Variants in CTNNA3 observed in about 807,000 individuals in gnomAD.
CTNNA3 encodes the protein catenin alpha 3.
In CTNNA3, 76 loss-of-function variants were observed where a neutral mutation model predicts 95.7. The observed-to-expected ratio is 0.79, with a 90% CI of 0.66 to 0.96. The LOEUF is 0.96. Ranked by LOEUF, CTNNA3 falls within the 40% of genes least tolerant of loss-of-function variation. CTNNA3 has a pLI of 0.00. For synonymous variants in CTNNA3, 431 were observed against 374.4 expected (o/e 1.15, Z -1.74); for missense variants, 1,191 against 1,089.8 (o/e 1.09, Z -1.31).
intron 1 of CTNNA3, among the ~76,000 whole-genome samples, chr10:67,653,915 G>A (rs866108521): frequency 3.3e-5 from 5 of 152,132 alleles, no homozygotes; most frequent in African/African-American, 1.2e-4. Context: ...CACTTCCAGT[G>A]CCTATGTTGG....
intron 13 of CTNNA3, among the ~76,000 whole-genome samples, chr10:66,278,343 G>A (rs142458749): frequency 7.2e-4 from 110 of 151,778 alleles, no homozygotes; most frequent in African/African-American, 2.6e-3. Context: ...TAATTTGAAT[G>A]TATTCTTGAT....
At chr10:66,812,324 T>C (rs1267170853) in intron 7 of CTNNA3, among the ~76,000 whole-genome samples, 1 of 152,180 alleles carries the variant, frequency 6.6e-6, no homozygotes, top group Non-Finnish European at 1.5e-5. Context: ...GATGTCTTAC[T>C]TTTGATTGCT....
At chr10:67,669,954 G>A (rs1840399617) in intron 1 of CTNNA3, among the ~76,000 whole-genome samples, 3 of 152,186 alleles carry the variant, frequency 2.0e-5, no homozygotes. Context: ...TATGTTTAGA[G>A]CTTCTTCCAA....
At chr10:66,503,561 C>A (rs372074654) in intron 11 of CTNNA3, among the ~76,000 whole-genome samples, 2 of 151,934 alleles carry the variant, frequency 1.3e-5, no homozygotes, top group Non-Finnish European at 2.9e-5. Flanking sequence ...CTCTGCCTCC[C>A]GGGTTCAAGC....
At chr10:66,765,578 C>A (rs4359088) in intron 9 of CTNNA3, among the ~76,000 whole-genome samples, 129,293 of 152,102 alleles carry the variant, frequency 0.85, 55,247 homozygotes, top group East Asian at 1. Flanking sequence ...TTGTATTAGA[C>A]ATTCCTCCAT....
chr10:66,361,648 C>T (rs1190705478), intron 12 of CTNNA3, among the ~76,000 whole-genome samples: 1 of 151,682 alleles, frequency 6.6e-6, no homozygotes, highest in Non-Finnish European at 1.5e-5. Flanking sequence ...AGGGATCTTC[C>T]TACCTAAACC....
intron 5 of CTNNA3, among the ~76,000 whole-genome samples, chr10:67,415,096 C>G (rs1370075134): frequency 6.6e-6 from 1 of 152,148 alleles, no homozygotes; most frequent in African/African-American, 2.4e-5. Flanking sequence ...AGAACTAGAA[C>G]AAGACAAGGC....
chr10:66,152,442 A>G (rs946326924), intron 13 of CTNNA3, among the ~76,000 whole-genome samples: 1 of 151,954 alleles, frequency 6.6e-6, no homozygotes, highest in East Asian at 1.9e-4. Flanking sequence ...TAAAATAATG[A>G]AAACTAAGAA....
At chr10:66,826,421 C>T (rs1384309455) in intron 7 of CTNNA3, among the ~76,000 whole-genome samples, 1 of 152,080 alleles carries the variant, frequency 6.6e-6, no homozygotes, top group African/African-American at 2.4e-5. Flanking sequence ...GGACTACAGG[C>T]TCACACCATC....
chr10:66,022,358 C>T (rs866627308), intron 15 of CTNNA3, among the ~76,000 whole-genome samples: 2 of 152,134 alleles, frequency 1.3e-5, no homozygotes, highest in Admixed American at 6.5e-5. Flanking sequence ...TCAACCTATG[C>T]GCAAAGTACA....
intron 1 of CTNNA3, among the ~76,000 whole-genome samples, chr10:67,727,715 T>C (rs1380390777): frequency 7.8e-6 from 1 of 128,140 alleles, no homozygotes; most frequent in African/African-American, 2.9e-5. Context: ...ATAATATATA[T>C]AAAACTAGTC....
rs75955877 is a variant in CTNNA3, at chr10:67,079,474, C to T, written c.1047+100843G>A. ...AGCCAATAAATTCGCAAATATCTCC[C>T]GAGGATCAGAGGAAACAATAGAAAA... On this transcript the variant is annotated intron_variant, in intron 7 of 17. Coordinates refer to ENST00000433211, the MANE Select transcript of CTNNA3 (RefSeq NM_013266.4). 9.2e-3 allele frequency among the ~76,000 whole-genome samples: 1,397 copies of T among 152,178 alleles called. 52 individuals carry two copies. In the East Asian group the frequency reaches 0.11, roughly 12 times the overall value.
chr10:66,402,529 T>A (rs1481241801), intron 11 of CTNNA3, among the ~76,000 whole-genome samples: 2 of 152,198 alleles, frequency 1.3e-5, no homozygotes, highest in Non-Finnish European at 2.9e-5. Flanking sequence ...TATGTCAATA[T>A]ATTAACAGTT....
In CTNNA3 at chr10:66,099,818, GTCTA is replaced by G. The variant is rs556324738; in HGVS notation, c.1977+3335_1977+3338del. Among the ~76,000 whole-genome samples the G allele has an allele frequency of 2.5e-4, 38 of 152,114 alleles. No homozygotes were observed. The South Asian group carries it at 4.8e-3, about 19-fold the overall frequency. On this transcript the variant is annotated intron_variant, in intron 14 of 17. Transcript: ENST00000433211. ...CATCAGGTTTATTGCTCTGGTGGTG[GTCTA>G]TCTGTTTGTTTTTTAGTAAAGGACT...
At chr10:67,283,563 T>G (rs1035653318) in intron 5 of CTNNA3, among the ~76,000 whole-genome samples, 6 of 152,128 alleles carry the variant, frequency 3.9e-5, no homozygotes, top group Non-Finnish European at 8.8e-5. Flanking sequence ...AATCAGGATA[T>G]AAGAGATGCA....
chr10:67,015,185 C>A (rs1333115352), intron 7 of CTNNA3: 2 of 152,076 alleles, frequency 1.3e-5, no homozygotes, highest in African/African-American at 2.4e-5. Context: ...ACATATTAAT[C>A]ATTTTCATTA....
intron 10 of CTNNA3, among the ~76,000 whole-genome samples, chr10:66,583,560 G>A (rs1321855874): frequency 2.0e-5 from 3 of 151,478 alleles, no homozygotes; most frequent in African/African-American, 7.3e-5. Flanking sequence ...AGTCTTATTT[G>A]GATCTTCTCT....
intron 3 of CTNNA3, among the ~76,000 whole-genome samples, chr10:67,593,706 AAGAT>A (rs998432665): frequency 3.9e-5 from 6 of 152,130 alleles, no homozygotes; most frequent in Non-Finnish European, 8.8e-5. Flanking sequence ...TCTGCAAAGA[AAGAT>A]AGGTTGAATT....
At chr10:66,247,722 T>C (rs1275849930) in intron 13 of CTNNA3, among the ~76,000 whole-genome samples, 1 of 152,192 alleles carries the variant, frequency 6.6e-6, no homozygotes. Context: ...AAAAATCTTT[T>C]ACCCTACAAT....
Sources: gnomAD v4.1 joint callset for allele counts (sites outside exome capture counted in the v4.1 genomes callset) on GRCh38, gnomAD v4.1.1 for gene constraint, MANE v1.5 for transcripts, NCBI Gene and HGNC (gene_info 2026-07-23, HGNC 2026-07-21) for gene names.